The following NKAIN2 variants were observed in gnomAD, a reference collection of about 807,000 sequenced individuals.
NKAIN2 encodes sodium/potassium-transporting ATPase subunit beta-1-interacting protein 2.
NKAIN2 carries 14 observed loss-of-function variants against 32.6 expected under a neutral mutation model. That is an observed-to-expected ratio of 0.43 (90% confidence interval 0.28 to 0.67). The LOEUF (loss-of-function observed/expected upper bound fraction) is 0.67. Ranked by LOEUF, NKAIN2 falls within the 30% of genes least tolerant of loss-of-function variation. The pLI is 0.17. For missense variants in NKAIN2, 198 were observed against 258.3 expected, an observed-to-expected ratio of 0.77 and a Z score of 1.60; for synonymous variants, 80 against 87.2, an observed-to-expected ratio of 0.92 and a Z score of 0.46.
chr6:124,212,140 G>C (rs1274166689), intron 1 of NKAIN2, among the ~76,000 whole-genome samples: 1 of 152,040 alleles, frequency 6.6e-6, no homozygotes, highest in Non-Finnish European at 1.5e-5. Flanking sequence ...TTTAAACCTA[G>C]TACAGTTCTC....
chr6:124,290,335 G>T lies in NKAIN2; in HGVS notation c.192+7193G>T, dbSNP rs796967831. On this transcript the variant is annotated intron_variant, in intron 2 of 6. Transcript: ENST00000368417. ...TTTTGAAAATGAATTTTGAAGAAAA[G>T]ATATATTGTGATATGTTTAAGTATT... 1.4e-4 allele frequency among the ~76,000 whole-genome samples: 21 copies of T among 152,092 alleles called. No homozygotes were observed. In the South Asian group the frequency reaches 2.7e-3, roughly 20 times the overall value.
rs76280100 is a variant in NKAIN2, at chr6:123,815,516, T to G, written c.54+11262T>G. Among the ~76,000 whole-genome samples, 795 of 152,290 alleles carry G rather than the reference T, an allele frequency of 5.2e-3. 6 individuals carry two copies. The highest frequency in any genetic ancestry group is 0.016 in the East Asian group (85 of 5,186). Reference sequence around the variant, plus strand: ...ATCTCTAGAGCAGTAGTTTTGAATGTTTTTTGTTTGTTTTTAGCTTGTTTG... The same window carrying G: ...ATCTCTAGAGCAGTAGTTTTGAATGGTTTTTGTTTGTTTTTAGCTTGTTTG... On this transcript the variant is annotated intron_variant, in intron 1 of 6. Transcript: ENST00000368417.
At chr6:124,347,323 T>G (rs1358230508) in intron 2 of NKAIN2, among the ~76,000 whole-genome samples, 4 of 152,022 alleles carry the variant, frequency 2.6e-5, no homozygotes, top group Non-Finnish European at 4.4e-5. Context: ...TTGGAGTTGC[T>G]CTTCTCGAGG....
intron 1 of NKAIN2, among the ~76,000 whole-genome samples, chr6:124,198,004 TG>T (rs1002137745): frequency 2.0e-5 from 3 of 152,054 alleles, no homozygotes; most frequent in African/African-American, 7.2e-5. Context: ...TACTAGTTTG[TG>T]GGGATTGAGT....
chr6:124,074,807 G>A lies in NKAIN2; in HGVS notation c.55-208198G>A, dbSNP rs184184043. 1.7e-3 allele frequency among the ~76,000 whole-genome samples: 258 copies of A among 152,158 alleles called. 1 individual carries two copies. Among genetic ancestry groups the A allele is most frequent in the Admixed American group, 0.014 (217 of 15,274 alleles). ...TCTGTTTTATGTTGCTTTCTGCTACGAACCCATACGGAATACGCATATTCC... is the reference window on the plus strand; with the variant it reads ...TCTGTTTTATGTTGCTTTCTGCTACAAACCCATACGGAATACGCATATTCC... On this transcript the variant is annotated intron_variant, in intron 1 of 6. Transcript: ENST00000368417.
At chr6:124,410,719 G>C (rs1262697883) in intron 3 of NKAIN2, among the ~76,000 whole-genome samples, 3 of 152,106 alleles carry the variant, frequency 2.0e-5, no homozygotes, top group African/African-American at 7.2e-5. Context: ...GGTCCGCTTG[G>C]TGCAGAGCTG....
intron 1 of NKAIN2, among the ~76,000 whole-genome samples, chr6:124,106,927 C>T (rs966350698): frequency 6.6e-6 from 1 of 152,234 alleles, no homozygotes; most frequent in South Asian, 2.1e-4. Context: ...ACAAACAAAA[C>T]ATATACCATA....
At chr6:124,164,747 T>G (rs2689917) in intron 1 of NKAIN2, among the ~76,000 whole-genome samples, 116,359 of 151,566 alleles carry the variant, frequency 0.77, 46,650 homozygotes, top group Non-Finnish European at 0.88. Flanking sequence ...TTACAAAAAA[T>G]ATTCATGGAG....
At chr6:124,000,031 A>G (rs1779805731) in intron 1 of NKAIN2, among the ~76,000 whole-genome samples, 1 of 152,074 alleles carries the variant, frequency 6.6e-6, no homozygotes, top group African/African-American at 2.4e-5. Context: ...ACCCCCTATA[A>G]TTCTTGTAGA....
chr6:124,137,286 G>T (rs1418180380), intron 1 of NKAIN2, among the ~76,000 whole-genome samples: 1 of 151,804 alleles, frequency 6.6e-6, no homozygotes, highest in African/African-American at 2.4e-5. Flanking sequence ...AAATTACTTA[G>T]AAATATACTT....
At chr6:123,877,248 A>C (rs1773210984) in intron 1 of NKAIN2, among the ~76,000 whole-genome samples, 1 of 152,168 alleles carries the variant, frequency 6.6e-6, no homozygotes, top group Admixed American at 6.5e-5. Flanking sequence ...ATTAAGATTT[A>C]TTAAATGCCT....
intron 1 of NKAIN2, among the ~76,000 whole-genome samples, chr6:124,000,179 T>C (rs1017481699): frequency 6.6e-6 from 1 of 152,130 alleles, no homozygotes; most frequent in African/African-American, 2.4e-5. Flanking sequence ...TTGGTAACGA[T>C]ATAATAACAA....
intron 1 of NKAIN2, among the ~76,000 whole-genome samples, chr6:123,922,603 A>G (rs911343668): frequency 1.2e-4 from 19 of 152,160 alleles, no homozygotes; most frequent in Non-Finnish European, 2.4e-4. Flanking sequence ...AGGGCAACCC[A>G]AATTTTAGAA....
intron 3 of NKAIN2, among the ~76,000 whole-genome samples, chr6:124,655,271 T>C (rs1784500462): frequency 6.6e-6 from 1 of 152,128 alleles, no homozygotes; most frequent in African/African-American, 2.4e-5. Flanking sequence ...ACAAGTCAGT[T>C]CTGAATTGAG....
chr6:124,242,044 T>A (rs1793129640), intron 1 of NKAIN2, among the ~76,000 whole-genome samples: 2 of 151,912 alleles, frequency 1.3e-5, no homozygotes, highest in African/African-American at 4.8e-5. Context: ...AAGTCAAAAT[T>A]GACAAATGGG....
intron 1 of NKAIN2, among the ~76,000 whole-genome samples, chr6:124,238,642 A>C (rs927689091): frequency 1.3e-5 from 2 of 152,152 alleles, no homozygotes; most frequent in Non-Finnish European, 2.9e-5. Flanking sequence ...TACCCACCTC[A>C]TCTCATTGGG....
chr6:124,348,690 G>A (rs911269054), intron 2 of NKAIN2, among the ~76,000 whole-genome samples: 1 of 152,246 alleles, frequency 6.6e-6, no homozygotes, highest in African/African-American at 2.4e-5. Context: ...GGTGATTTCT[G>A]CATTTCCATC....
intron 3 of NKAIN2, among the ~76,000 whole-genome samples, chr6:124,654,331 T>C (rs1053565032): frequency 6.6e-5 from 10 of 152,150 alleles, no homozygotes; most frequent in Admixed American, 2.6e-4. Flanking sequence ...ATAAATAATA[T>C]AGAAAGCATA....
At chr6:124,005,174 G>T (rs967900663) in intron 1 of NKAIN2, among the ~76,000 whole-genome samples, 1 of 152,036 alleles carries the variant, frequency 6.6e-6, no homozygotes, top group African/African-American at 2.4e-5. Context: ...GCAGTGAGCC[G>T]AGATCTCGCC....
Sources: gnomAD v4.1 joint callset for allele counts (sites outside exome capture counted in the v4.1 genomes callset) on GRCh38, gnomAD v4.1.1 for gene constraint, MANE v1.5 for transcripts, NCBI Gene and HGNC (gene_info 2026-07-23, HGNC 2026-07-21) for gene names.